Variants in TCF7L2 observed in about 807,000 individuals in gnomAD.
The protein encoded by TCF7L2 is transcription factor 7 like 2.
Under a neutral mutation model 77.9 loss-of-function variants are expected in TCF7L2, and 23 were observed. The ratio of observed to expected loss-of-function variants is 0.30; its 90% confidence interval spans 0.21 to 0.42. The LOEUF (loss-of-function observed/expected upper bound fraction) is 0.42, where lower values mean the gene tolerates loss of function less well. Ranked by LOEUF, TCF7L2 falls within the 10% of genes least tolerant of loss-of-function variation. TCF7L2 has a pLI of 1.00. For missense variants in TCF7L2, 654 were observed against 793.1 expected (o/e 0.82, Z 2.11); for synonymous variants, 413 against 340.2 (o/e 1.21, Z -2.36).
intron 5 of TCF7L2, among the ~76,000 whole-genome samples, chr10:113,081,777 G>C (rs1243776797): frequency 6.6e-6 from 1 of 152,152 alleles, no homozygotes; most frequent in East Asian, 1.9e-4. Flanking sequence ...AATTAGATGT[G>C]CCTTCAAAAA....
At chr10:113,158,598 G>A in intron 12 of TCF7L2, 69 bp from the exon 13 acceptor site, 1 of 1,527,006 alleles carries the variant, frequency 6.5e-7, no homozygotes, top group Non-Finnish European at 9.0e-7. Flanking sequence ...CCTTGGAGAA[G>A]GCCAGGCTTT....
rs1453475924 is a variant in TCF7L2 at position 113,017,050 on chromosome 10, TCTC to T, written c.451-22973_451-22971del. 3.9e-5 allele frequency among the ~76,000 whole-genome samples: 6 copies of T among 152,226 alleles called. No homozygotes were observed. In the East Asian group the frequency reaches 7.7e-4, roughly 20 times the overall value. ...GGATTTTTGTACCAGCGATATCTCT[TCTC>T]CACTCCTCAACACACTCCTTTCCAC... On this transcript the variant is annotated intron_variant, in intron 4 of 13. Transcript: ENST00000627217.
intron 5 of TCF7L2, among the ~76,000 whole-genome samples, chr10:113,102,651 C>G (rs1338485058): frequency 6.6e-6 from 1 of 151,998 alleles, no homozygotes; most frequent in Non-Finnish European, 1.5e-5. Context: ...GTCTTGAACT[C>G]CCGACCTCAG....
chr10:113,151,001 C>G lies in TCF7L2; in HGVS notation c.879C>G (p.Phe293Leu), dbSNP rs2137126424. 1 of 1,613,678 alleles carries G rather than the reference C, an allele frequency of 6.2e-7. No homozygotes were observed. Among genetic ancestry groups the G allele is most frequent in the African/African-American group, 1.3e-5 (1 of 74,840 alleles). Residue 293 changes from phenylalanine (F) to leucine (L), a missense_variant, in exon 9 of 14, where the codon TTC becomes TTG. Phe to Leu is a conservative substitution (Grantham distance 22, BLOSUM62 0). Around this residue, in one of 6 missense-constraint regions of TCF7L2, gnomAD observed 179 missense variants for 270.6 expected, o/e 0.66. Transcript: ENST00000627217. This position sits in a 1 kb window ranked among gnomAD's most constrained non-coding sequence, Gnocchi z 5.2. The stretch of plus-strand genomic sequence containing the variant: ...TACACAGCTTTCTGTCTTCTAGGTT[C>G]CCTCCCCATATGGTCCCACCACATC...
At chr10:112,960,581 C>T (rs1261884546) in intron 3 of TCF7L2, among the ~76,000 whole-genome samples, 3 of 152,074 alleles carry the variant, frequency 2.0e-5, no homozygotes, top group Admixed American at 6.5e-5. Context: ...GAGGCACAGC[C>T]AGGTGAGAGC....
At chr10:112,999,602 G>A (rs972263500) in intron 4 of TCF7L2, among the ~76,000 whole-genome samples, 5 of 152,146 alleles carry the variant, frequency 3.3e-5, no homozygotes, top group African/African-American at 1.2e-4. Context: ...TATTCTCATG[G>A]TGTGGATGAA....
At chr10:113,122,217 C>A (rs556479497) in intron 5 of TCF7L2, among the ~76,000 whole-genome samples, 23 of 152,274 alleles carry the variant, frequency 1.5e-4, no homozygotes, top group Admixed American at 1.4e-3. Flanking sequence ...AACATAACAA[C>A]CTTTCTTAAA....
intron 5 of TCF7L2, among the ~76,000 whole-genome samples, chr10:113,082,933 G>A (rs962978907): frequency 6.6e-6 from 1 of 152,018 alleles, no homozygotes; most frequent in African/African-American, 2.4e-5. Flanking sequence ...TGACACTGAG[G>A]CCCCATGCTC....
chr10:113,109,417 G>A (rs1190708067), intron 5 of TCF7L2, among the ~76,000 whole-genome samples: 1 of 152,082 alleles, frequency 6.6e-6, no homozygotes, highest in African/African-American at 2.4e-5. Flanking sequence ...GACAGGACAG[G>A]CTCTGGCTCT....
chr10:113,105,316 C>G (rs2062158194), intron 5 of TCF7L2, among the ~76,000 whole-genome samples: 1 of 152,138 alleles, frequency 6.6e-6, no homozygotes, highest in Admixed American at 6.5e-5. Flanking sequence ...TCCCATTGGG[C>G]CTCTTAGGGA....
At chr10:113,014,014 C>A (rs2046905112) in intron 4 of TCF7L2, among the ~76,000 whole-genome samples, 1 of 152,168 alleles carries the variant, frequency 6.6e-6, no homozygotes, top group South Asian at 2.1e-4. Context: ...GCCCTGCAGG[C>A]CCCTAAAAGG....
chr10:113,140,930 G>C (rs753498006), intron 5 of TCF7L2, among the ~76,000 whole-genome samples: 2 of 152,172 alleles, frequency 1.3e-5, no homozygotes, highest in African/African-American at 4.8e-5. Context: ...AATGGGGTAG[G>C]GGTTGAGAAG....
intron 5 of TCF7L2, among the ~76,000 whole-genome samples, chr10:113,135,057 T>A (rs1226349075): frequency 6.6e-6 from 1 of 152,206 alleles, no homozygotes. Context: ...AAGCTTTCAT[T>A]CCCTCTAGGT....
chr10:113,141,006 T>TA (rs964698706), intron 5 of TCF7L2, among the ~76,000 whole-genome samples, 178 bp from the exon 6 acceptor site: 35 of 152,122 alleles, frequency 2.3e-4, no homozygotes, highest in African/African-American at 8.5e-4. Flanking sequence ...AGAGCTGTCT[T>TA]ACAACTATCT....
At chr10:112,992,131 G>T (rs2042663652) in intron 4 of TCF7L2, among the ~76,000 whole-genome samples, 1 of 152,158 alleles carries the variant, frequency 6.6e-6, no homozygotes, top group Admixed American at 6.5e-5. Flanking sequence ...TGTTGGTCAG[G>T]CCTTGGACTC....
At chr10:113,052,341 A>G (rs1182885130) in intron 5 of TCF7L2, among the ~76,000 whole-genome samples, 1 of 152,186 alleles carries the variant, frequency 6.6e-6, no homozygotes, top group Non-Finnish European at 1.5e-5. Context: ...CAAGGCTGAA[A>G]GAGGAGAGAG....
chr10:113,151,937 A>G lies in TCF7L2; in HGVS notation c.1161+53A>G, dbSNP rs2070820502. The stretch of plus-strand genomic sequence containing the variant: ...CGGGGGGCGGGTGGTGAGGGACCAG[A>G]GTGCAGCAGGTCAGGTGGCAGAATG... On this transcript the variant is annotated intron_variant, in intron 10 of 13. Transcript: ENST00000627217. The surrounding 1 kb of genome is among the most constrained non-coding windows in gnomAD (Gnocchi z 5.2). The G allele has an allele frequency of 6.4e-7, 1 of 1,552,182 alleles. No homozygotes were observed. The highest frequency in any genetic ancestry group is 1.4e-5 in the African/African-American group (1 of 72,280).
chr10:113,139,904 A>G (rs2068046216), intron 5 of TCF7L2, among the ~76,000 whole-genome samples: 1 of 151,940 alleles, frequency 6.6e-6, no homozygotes, highest in Non-Finnish European at 1.5e-5. Context: ...AGTGGGCAGC[A>G]CTAGGACCTT....
At chr10:113,115,103 C>T (rs1376090589) in intron 5 of TCF7L2, among the ~76,000 whole-genome samples, 2 of 152,002 alleles carry the variant, frequency 1.3e-5, no homozygotes, top group East Asian at 1.9e-4. Context: ...AGATTAAATG[C>T]AAAACTCAAA....
Sources: allele counts gnomAD v4.1 joint callset (sites outside exome capture counted in the v4.1 genomes callset), GRCh38; gene constraint gnomAD v4.1.1; regional missense constraint gnomAD v4.1.1; non-coding constraint Gnocchi (gnomAD v3.1); transcripts MANE v1.5; gene names NCBI Gene and HGNC (gene_info 2026-07-23, HGNC 2026-07-21).